The following PTPRD variants were observed in gnomAD, a reference collection of about 807,000 sequenced individuals.
PTPRD encodes receptor-type tyrosine-protein phosphatase delta.
PTPRD carries 34 observed loss-of-function variants against 214.5 expected under a neutral mutation model. That is an observed-to-expected ratio of 0.16 (90% CI 0.12 to 0.21). The LOEUF (loss-of-function observed/expected upper bound fraction) is 0.21, where lower values mean the gene tolerates loss of function less well. Ranked by LOEUF, PTPRD falls within the 10% of genes least tolerant of loss-of-function variation. The probability of loss-of-function intolerance (pLI) is 1.00; values close to 1 mark genes in which losing one functional copy is unlikely to be tolerated. For missense variants in PTPRD, 2,545 were observed against 2,398.7 expected (o/e 1.06, Z -1.27); for synonymous variants, 1,128 against 845.7 (o/e 1.33, Z -5.79).
intron 14 of PTPRD, among the ~76,000 whole-genome samples, chr9:8,592,179 A>T (rs1199002694): frequency 6.6e-6 from 1 of 152,188 alleles, no homozygotes; most frequent in Non-Finnish European, 1.5e-5. Flanking sequence ...TCTTGATACT[A>T]AACCCTTTCA....
intron 12 of PTPRD, among the ~76,000 whole-genome samples, chr9:8,701,954 T>G (rs1239515482): frequency 6.6e-6 from 1 of 152,254 alleles, no homozygotes; most frequent in Non-Finnish European, 1.5e-5. Flanking sequence ...GATCATTTCC[T>G]GATAAATCAG....
intron 8 of PTPRD, among the ~76,000 whole-genome samples, chr9:9,535,200 G>A (rs1458940370): frequency 2.0e-5 from 3 of 152,026 alleles, no homozygotes; most frequent in Non-Finnish European, 4.4e-5. Flanking sequence ...CCAGAGAGAC[G>A]AGACTCAAAC....
At chr9:9,344,727 A>G (rs902137208) in intron 9 of PTPRD, among the ~76,000 whole-genome samples, 2 of 152,080 alleles carry the variant, frequency 1.3e-5, no homozygotes, top group Non-Finnish European at 2.9e-5. Flanking sequence ...ATACAATCCA[A>G]AAGGCAAGTT....
At chr9:8,515,821 C>T (rs544094127) in intron 21 of PTPRD, among the ~76,000 whole-genome samples, 1 of 152,098 alleles carries the variant, frequency 6.6e-6, no homozygotes, top group African/African-American at 2.4e-5. Context: ...AATAGATTCC[C>T]GTTGTTTAAG....
chr9:9,740,996 G>A (rs1365615479), intron 6 of PTPRD, among the ~76,000 whole-genome samples: 1 of 152,144 alleles, frequency 6.6e-6, no homozygotes, highest in Non-Finnish European at 1.5e-5. Context: ...TTTCAGACGC[G>A]ATTTGAGAGA....
At chr9:10,406,170 T>C (rs958199822) in intron 2 of PTPRD, among the ~76,000 whole-genome samples, 2 of 151,364 alleles carry the variant, frequency 1.3e-5, no homozygotes, top group South Asian at 2.1e-4. Flanking sequence ...CTGAGAAATA[T>C]TGAATAAAAG....
At chr9:10,586,668 T>G (rs540431809) in intron 2 of PTPRD, among the ~76,000 whole-genome samples, 1 of 152,220 alleles carries the variant, frequency 6.6e-6, no homozygotes, top group African/African-American at 2.4e-5. Context: ...AAGCAATGAC[T>G]AAAGTGCCGA....
chr9:9,994,029 G>A (rs1012780710), intron 4 of PTPRD, among the ~76,000 whole-genome samples: 5 of 151,934 alleles, frequency 3.3e-5, no homozygotes, highest in African/African-American at 1.2e-4. Context: ...TTTTTGAGTG[G>A]GGGACAATTT....
rs369135599 is a variant in PTPRD, at chr9:10,317,987, T to A, written c.-545+22976A>T. ...CCTATTTTTGCATGTCCTGTTTTTT[T>A]ATCTAAAATTTAACTATTTAGTCAT... On this transcript the variant is annotated intron_variant, in intron 3 of 45. Coordinates refer to ENST00000381196, the MANE Select transcript of PTPRD (RefSeq NM_002839.4). 3.3e-5 allele frequency among the ~76,000 whole-genome samples: 5 copies of A among 152,216 alleles called. No individual in the cohort carries two copies. In the South Asian group the frequency reaches 8.3e-4, roughly 25 times the overall value.
intron 3 of PTPRD, among the ~76,000 whole-genome samples, chr9:10,339,889 A>G (rs2096907911): frequency 6.6e-6 from 1 of 151,802 alleles, no homozygotes; most frequent in Non-Finnish European, 1.5e-5. Context: ...TTGAGCTTCA[A>G]AAGCTTCCAT....
intron 3 of PTPRD, among the ~76,000 whole-genome samples, chr9:10,149,910 T>C (rs971323534): frequency 7.9e-5 from 12 of 151,982 alleles, no homozygotes; most frequent in Non-Finnish European, 7.4e-5. Context: ...TTTGTATTTT[T>C]AGTAGAGATG....
chr9:10,063,149 G>A (rs935016467), intron 3 of PTPRD, among the ~76,000 whole-genome samples: 2 of 151,996 alleles, frequency 1.3e-5, no homozygotes, highest in African/African-American at 4.8e-5. Flanking sequence ...ACACTAATAT[G>A]TTATTCTATG....
intron 3 of PTPRD, among the ~76,000 whole-genome samples, chr9:10,328,640 G>A (rs887792841): frequency 2.3e-4 from 35 of 151,704 alleles, no homozygotes; most frequent in Non-Finnish European, 1.5e-5. Flanking sequence ...AAAATGTTAT[G>A]CACCAAGAGA....
At chr9:10,088,593 G>A (rs1402922696) in intron 3 of PTPRD, among the ~76,000 whole-genome samples, 2 of 151,712 alleles carry the variant, frequency 1.3e-5, no homozygotes, top group East Asian at 1.9e-4. Context: ...GAAGATAAAG[G>A]AACTGGAGTT....
At chr9:9,113,763 T>C (rs1483082319) in intron 10 of PTPRD, among the ~76,000 whole-genome samples, 1 of 152,170 alleles carries the variant, frequency 6.6e-6, no homozygotes, top group Non-Finnish European at 1.5e-5. Context: ...CAAAGGATTT[T>C]CCAAGAATAT....
In PTPRD at chr9:9,702,958, T is replaced by G. The variant is rs184967346; in HGVS notation, c.-287+31575A>C. ...TGAGTCTAGATCCAGAAAGCCAATC[T>G]AATACTATTCTCTTTTTAAACAGAA... On this transcript the variant is annotated intron_variant, in intron 7 of 45. Transcript: ENST00000381196. Among the ~76,000 whole-genome samples, 122 of 152,290 alleles carry G rather than the reference T, an allele frequency of 8.0e-4. 1 individual carries two copies. Among genetic ancestry groups the G allele is most frequent in the East Asian group, 7.0e-3 (36 of 5,168 alleles).
intron 7 of PTPRD, among the ~76,000 whole-genome samples, chr9:9,650,773 T>C (rs1041328898): frequency 3.9e-4 from 59 of 152,086 alleles, no homozygotes; most frequent in African/African-American, 1.4e-3. Context: ...ACCTCTGAAC[T>C]TGAAAGTGAA....
chr9:9,866,563 G>A (rs949494994), intron 5 of PTPRD, among the ~76,000 whole-genome samples: 11 of 151,898 alleles, frequency 7.2e-5, no homozygotes, highest in African/African-American at 9.7e-5. Flanking sequence ...ATAACTATCC[G>A]CTCAAAAATT....
chr9:8,363,573 G>C (rs2079033978), intron 39 of PTPRD, among the ~76,000 whole-genome samples: 1 of 152,166 alleles, frequency 6.6e-6, no homozygotes. Context: ...CCTCAGTTTG[G>C]GTTGTACTTG....
Sources: gnomAD v4.1 joint callset for allele counts (sites outside exome capture counted in the v4.1 genomes callset) on GRCh38, gnomAD v4.1.1 for gene constraint, MANE v1.5 for transcripts, NCBI Gene and HGNC (gene_info 2026-07-23, HGNC 2026-07-21) for gene names.